Variants in CD276 observed in about 807,000 individuals in gnomAD.
CD276 encodes CD276 antigen.
In CD276, 34 loss-of-function variants were observed where a neutral mutation model predicts 50.0. That is an observed-to-expected ratio of 0.68 (90% CI 0.52 to 0.91). The LOEUF (loss-of-function observed/expected upper bound fraction) is 0.91, where lower values mean the gene tolerates loss of function less well. CD276 is among the 40% of genes least tolerant of loss of function. The pLI is 0.00. For synonymous variants in CD276, 275 were observed against 313.0 expected (o/e 0.88, Z 1.28); for missense variants, 634 against 717.5 (o/e 0.88, Z 1.33).
At chr15:73,691,848 A>C (rs1399766057) in intron 1 of CD276, among the ~76,000 whole-genome samples, 3 of 152,194 alleles carry the variant, frequency 2.0e-5, no homozygotes, top group Non-Finnish European at 4.4e-5. Flanking sequence ...CCATACGGGG[A>C]GGTGCTCATC....
rs143795791 is a variant in CD276 at position 73,707,184 on chromosome 15, C to T, written c.1370-1155C>T. On this transcript the variant is annotated intron_variant, in intron 6 of 9. Coordinates refer to ENST00000318443, the MANE Select transcript of CD276 (RefSeq NM_001024736.2). ...TGCCGCCAAAGGGTCCATAGCACCG[C>T]GCACTGCACTGACAGGGCCTCCTGC... 5.1e-4 allele frequency among the ~76,000 whole-genome samples: 77 copies of T among 152,370 alleles called. No homozygotes were observed. The East Asian group carries it at 7.9e-3, about 16-fold the overall frequency.
chr15:73,696,260 T>C (rs1168753045), intron 1 of CD276, among the ~76,000 whole-genome samples: 1 of 151,818 alleles, frequency 6.6e-6, no homozygotes, highest in South Asian at 2.1e-4. Context: ...AGATTCCCCT[T>C]TGTGGAAAAC....
At chr15:73,700,882 T>TCCTG (rs1900352702) in intron 2 of CD276, among the ~76,000 whole-genome samples, 1 of 366 alleles carries the variant, frequency 2.7e-3, no homozygotes. Flanking sequence ...GGGGTTCGCT[T>TCCTG]CCCCTCCTCC....
chr15:73,713,818 C>T lies in CD276; in HGVS notation c.*862C>T. On this transcript the variant is annotated 3_prime_UTR_variant, in exon 10 of 10. Coordinates refer to ENST00000318443, the MANE Select transcript of CD276 (RefSeq NM_001024736.2). Reference sequence around the variant, plus strand: ...CCTCTGCCTTCTCACCTCTTTGTTCCTTTCTTTTCATGTATCCATTCAGTT... The same window carrying T: ...CCTCTGCCTTCTCACCTCTTTGTTCTTTTCTTTTCATGTATCCATTCAGTT... The T allele has an allele frequency of 2.3e-6, 1 of 444,172 alleles. No homozygotes were observed. The highest frequency in any genetic ancestry group is 2.5e-5 in the Admixed American group (1 of 40,588). 27.5% of individuals were successfully genotyped at this position (444,172 alleles called of 1,614,324 possible).
intron 1 of CD276, among the ~76,000 whole-genome samples, chr15:73,693,820 G>T (rs567805477): frequency 6.6e-6 from 1 of 150,760 alleles, no homozygotes; most frequent in Non-Finnish European, 1.5e-5. Context: ...GATGAACGCT[G>T]TCCAAAAGCA....
chr15:73,686,716 C>A (rs1899781549), intron 1 of CD276, among the ~76,000 whole-genome samples: 1 of 152,054 alleles, frequency 6.6e-6, no homozygotes, highest in Admixed American at 6.5e-5. Flanking sequence ...TTCCACAGCA[C>A]CTAAAGAGAC....
intron 2 of CD276, among the ~76,000 whole-genome samples, chr15:73,700,454 G>A (rs1900333986): frequency 6.6e-6 from 1 of 152,226 alleles, no homozygotes; most frequent in Admixed American, 6.5e-5. Flanking sequence ...CCATAAAGAA[G>A]TGCCTGTCTC....
At chr15:73,690,770 C>A (rs1899956718) in intron 1 of CD276, 1 of 455,702 alleles carries the variant, frequency 2.2e-6, no homozygotes, top group East Asian at 7.0e-5. Flanking sequence ...TGCAGCAACA[C>A]TGTGAGGTAG....
Position 73,702,967 on chromosome 15 carries a change from A to G in CD276, c.614A>G (p.His205Arg). 1 of 1,614,196 alleles carries G rather than the reference A, an allele frequency of 6.2e-7. No individual in the cohort carries two copies. The highest frequency in any genetic ancestry group is 8.5e-7 in the Non-Finnish European group (1 of 1,180,044). The change falls in exon 4 of 10, where the codon CAC (histidine) becomes CGC (arginine). Residue 205 changes from histidine (H) to arginine (R), a missense_variant. His to Arg is a conservative substitution (Grantham distance 29). Transcript: ENST00000318443. Reference protein sequence around the residue: ...MANEQGLFDVHSILRVVLGAN... With the variant: ...MANEQGLFDVRSILRVVLGAN... ...AACGAGCAGGGCTTGTTTGATGTGC[A>G]CAGCATCCTGCGGGTGGTGCTGGGT...
chr15:73,707,441 G>A (rs2141578207), intron 6 of CD276, among the ~76,000 whole-genome samples: 1 of 152,320 alleles, frequency 6.6e-6, no homozygotes, highest in East Asian at 1.9e-4. Context: ...ACAGCTCTAA[G>A]AGGAGGGGCC....
rs1900477374 is a variant in CD276, at chr15:73,703,047, C to G, written c.694C>G (p.His232Asp). The change falls in exon 4 of 10, where the codon CAC becomes GAC. Residue 232 changes from histidine (H) to aspartate (D), a missense_variant. Transcript: ENST00000318443. ...VRNPVLQQDA[H>D]SSVTITPQRS... ...CAACCCCGTGCTGCAGCAGGATGCG[C>G]ACAGCTCTGTCACCATCACACCCCA... The G allele has an allele frequency of 6.2e-7, 1 of 1,612,472 alleles. No homozygotes were observed. Among genetic ancestry groups the G allele is most frequent in the African/African-American group, 1.3e-5 (1 of 75,034 alleles).
Position 73,709,669 on chromosome 15 carries a change from A to T in CD276, c.1526A>T (p.Glu509Val), listed in dbSNP as rs780918414. Reference protein sequence around the residue: ...ENAGAEDQDGEGEGSKTALQP... With the variant: ...ENAGAEDQDGVGEGSKTALQP... ...GCAGGAGCTGAGGACCAGGATGGGG[A>T]GGGAGAAGGCTCCAAGACAGGTGAG... Residue 509 changes from glutamate (E) to valine (V), a missense_variant, in exon 8 of 10, where the codon GAG becomes GTG. By Grantham distance (121) the Glu-to-Val change is moderately radical. Coordinates refer to ENST00000318443, the MANE Select transcript of CD276 (RefSeq NM_001024736.2). 23 of 1,612,454 alleles carry T rather than the reference A, an allele frequency of 1.4e-5. 1 individual carries two copies. The South Asian group carries it at 2.5e-4, about 18-fold the overall frequency.
rs1900981930 is a variant in CD276, at chr15:73,713,236, A to G, written c.*280A>G. 1 of 451,010 alleles carries G rather than the reference A, an allele frequency of 2.2e-6. No individual in the cohort carries two copies. Among genetic ancestry groups the G allele is most frequent in the South Asian group, 3.8e-5 (1 of 26,608 alleles). The allele number at this position is 451,010 out of a possible 1,614,324, so 27.9% of individuals were successfully genotyped here. On this transcript the variant is annotated 3_prime_UTR_variant, in exon 10 of 10. Coordinates refer to ENST00000318443, the MANE Select transcript of CD276 (RefSeq NM_001024736.2). Reference sequence around the variant, plus strand: ...TGCCTGCTGCCTTATTTCACAGTACATACATTTCTTAGGGACACAGTACAC... The same window carrying G: ...TGCCTGCTGCCTTATTTCACAGTACGTACATTTCTTAGGGACACAGTACAC...
At chr15:73,701,407 C>T (rs1476949073) in intron 2 of CD276, among the ~76,000 whole-genome samples, 1 of 152,166 alleles carries the variant, frequency 6.6e-6, no homozygotes, top group Admixed American at 6.5e-5. Context: ...GATTAAAACA[C>T]TCCCCAGTGA....
At chr15:73,693,025 T>G (rs1342515594) in intron 1 of CD276, among the ~76,000 whole-genome samples, 1 of 152,184 alleles carries the variant, frequency 6.6e-6, no homozygotes, top group African/African-American at 2.4e-5. Flanking sequence ...GTGAAGCTTC[T>G]CATGACAGCC....
chr15:73,703,062 A>G lies in CD276; in HGVS notation c.709A>G (p.Ile237Val). The G allele has an allele frequency of 1.2e-6, 2 of 1,608,774 alleles. No homozygotes were observed. The highest frequency in any genetic ancestry group is 1.7e-6 in the Non-Finnish European group (2 of 1,177,204). The change falls in exon 4 of 10, where the codon ATC (isoleucine) becomes GTC (valine). Residue 237 changes from isoleucine to valine, a missense_variant. By Grantham distance (29) the Ile-to-Val change is conservative. Coordinates refer to ENST00000318443, the MANE Select transcript of CD276 (RefSeq NM_001024736.2). The stretch of plus-strand genomic sequence containing the variant: ...GCAGGATGCGCACAGCTCTGTCACC[A>G]TCACACCCCAGAGAAGCCCCACAGG... Reference protein sequence around the residue: ...LQQDAHSSVTITPQRSPTGAV... With the variant: ...LQQDAHSSVTVTPQRSPTGAV...
At chr15:73,695,048 C>A (rs935211313) in intron 1 of CD276, among the ~76,000 whole-genome samples, 1 of 152,148 alleles carries the variant, frequency 6.6e-6, no homozygotes, top group Admixed American at 6.5e-5. Context: ...AAGTGGACAA[C>A]AACTAGCAGT....
chr15:73,689,352 C>A (rs1899898568), intron 1 of CD276, among the ~76,000 whole-genome samples: 1 of 152,130 alleles, frequency 6.6e-6, no homozygotes, highest in South Asian at 2.1e-4. Context: ...CTGACTCACA[C>A]AGAAATCGCT....
In CD276 at chr15:73,713,964, A is replaced by G. The variant is rs1307134150; in HGVS notation, c.*1008A>G. The G allele has an allele frequency of 2.9e-6, 1 of 343,326 alleles. No individual in the cohort carries two copies. The highest frequency in any genetic ancestry group is 5.5e-6 in the Non-Finnish European group (1 of 182,814). 21.3% of individuals were successfully genotyped at this position (343,326 alleles called of 1,614,324 possible). ...AGCTGGGAGACAGACAACTAACTAC[A>G]CTGCACCCTGCGGTTTGCAGGGGGC... On this transcript the variant is annotated 3_prime_UTR_variant, in exon 10 of 10. Transcript: ENST00000318443.
Sources: gnomAD v4.1 joint callset for allele counts (sites outside exome capture counted in the v4.1 genomes callset) on GRCh38, gnomAD v4.1.1 for gene constraint, MANE v1.5 for transcripts, NCBI Gene and HGNC (gene_info 2026-07-23, HGNC 2026-07-21) for gene names.